Variants in SYNDIG1L observed in about 807,000 individuals in gnomAD.
The protein encoded by SYNDIG1L is synapse differentiation-inducing gene protein 1-like.
In SYNDIG1L, 13 loss-of-function variants were observed where a neutral mutation model predicts 20.1. That is an observed-to-expected ratio of 0.65 (90% CI 0.42 to 1.03). The LOEUF is 1.03. Among genes scored for constraint, SYNDIG1L ranks in the 50% least tolerant of loss-of-function variants. The pLI, the probability that SYNDIG1L is intolerant of heterozygous loss-of-function variation, is 0.00. For missense variants in SYNDIG1L, 294 were observed against 305.1 expected (o/e 0.96, Z 0.27); for synonymous variants, 128 against 129.3 (o/e 0.99, Z 0.07).
upstream of SYNDIG1L, among the ~76,000 whole-genome samples, chr14:74,428,999 G>T (rs893632970): frequency 6.6e-6 from 1 of 152,164 alleles, no homozygotes; most frequent in South Asian, 2.1e-4. Context: ...ATGCTGCTTA[G>T]CACCATAGCC....
At chr14:74,474,928 A>G in the SYNDIG1L span, 1 of 152,334 alleles carries the variant, frequency 6.6e-6, no homozygotes, top group East Asian at 1.9e-4. Flanking sequence ...AGGTCTAGGC[A>G]TTTATTGAAA....
chr14:74,479,972 T>C, the SYNDIG1L span: 20 of 1,345,852 alleles, frequency 1.5e-5, no homozygotes, highest in Admixed American at 4.6e-4. Context: ...TTTTTATTTA[T>C]TCAAGAGTAA....
the SYNDIG1L span, among the ~76,000 whole-genome samples, chr14:74,460,630 A>G: frequency 6.6e-6 from 1 of 151,946 alleles, no homozygotes; most frequent in African/African-American, 2.4e-5. Flanking sequence ...ATCCTGGGCC[A>G]GCCTGGGCCC....
upstream of SYNDIG1L, among the ~76,000 whole-genome samples, chr14:74,427,264 T>A (rs940589462): frequency 4.0e-5 from 6 of 151,858 alleles, no homozygotes; most frequent in Non-Finnish European, 7.4e-5. Context: ...TTTCTGAAGG[T>A]AAGTGTGGGT....
chr14:74,444,996 GA>G, the SYNDIG1L span, among the ~76,000 whole-genome samples: 1 of 152,300 alleles, frequency 6.6e-6, no homozygotes, highest in South Asian at 2.1e-4. Flanking sequence ...ATCTCACACT[GA>G]AATGTGATCC....
In SYNDIG1L at chr14:74,421,754, A is replaced by G. The variant is rs116725538; in HGVS notation, c.-58+4158T>C. Among the ~76,000 whole-genome samples the G allele has an allele frequency of 7.9e-3, 1,199 of 152,318 alleles. 20 individuals are homozygous for G. The highest frequency in any genetic ancestry group is 0.028 in the African/African-American group (1,153 of 41,572). Reference sequence around the variant, plus strand: ...CGAAGGACCTTTGGAGAGAGAGAAGAGGAGGGAAGAAGAGAGAACAGAAAA... The same window carrying G: ...CGAAGGACCTTTGGAGAGAGAGAAGGGGAGGGAAGAAGAGAGAACAGAAAA... On this transcript the variant is annotated intron_variant, in intron 1 of 3. Coordinates refer to ENST00000331628, the MANE Select transcript of SYNDIG1L (RefSeq NM_001105579.2).
At chr14:74,435,599 C>G in the SYNDIG1L span, among the ~76,000 whole-genome samples, 45 of 152,186 alleles carry the variant, frequency 3.0e-4, no homozygotes, top group Admixed American at 2.9e-3. Flanking sequence ...GACTACTCTT[C>G]TTTTTACCTC....
intron 1 of SYNDIG1L, among the ~76,000 whole-genome samples, chr14:74,423,304 G>A (rs2086238737): frequency 6.6e-6 from 1 of 152,208 alleles, no homozygotes. Context: ...GCTGCAGAAG[G>A]AAGGCTAGTG....
chr14:74,442,606 A>G, the SYNDIG1L span, among the ~76,000 whole-genome samples: 1 of 152,214 alleles, frequency 6.6e-6, no homozygotes, highest in East Asian at 1.9e-4. Flanking sequence ...CAGGAGGTTA[A>G]TATTATCAGA....
chr14:74,409,268 G>C (rs2086110681), intron 2 of SYNDIG1L, 60 bp downstream of exon 2: 2 of 1,206,266 alleles, frequency 1.7e-6, no homozygotes, highest in Non-Finnish European at 2.2e-6. Context: ...TTTTTTTGTA[G>C]AGTCGGGGTC....
At chr14:74,451,590 C>A in the SYNDIG1L span, among the ~76,000 whole-genome samples, 3 of 152,184 alleles carry the variant, frequency 2.0e-5, no homozygotes, top group African/African-American at 7.2e-5. Context: ...CAAAAGTAAA[C>A]CTTCTGCTCT....
At chr14:74,479,763 C>T in the SYNDIG1L span, 1 of 194,644 alleles carries the variant, frequency 5.1e-6, no homozygotes, top group Admixed American at 5.4e-5. Flanking sequence ...TCAAATAAAG[C>T]AAAACAAGGC....
chr14:74,410,614 G>C (rs567034103), intron 1 of SYNDIG1L, among the ~76,000 whole-genome samples: 15 of 152,238 alleles, frequency 9.9e-5, no homozygotes, highest in Admixed American at 7.8e-4. Flanking sequence ...TTCAGTAGTG[G>C]TGTAGATGGA....
chr14:74,437,906 C>T, the SYNDIG1L span, among the ~76,000 whole-genome samples: 8 of 152,148 alleles, frequency 5.3e-5, no homozygotes, highest in African/African-American at 9.7e-5. Flanking sequence ...GAGTCTTTAG[C>T]CACGTTCTTC....
the SYNDIG1L span, chr14:74,480,118 C>T: frequency 5.1e-6 from 8 of 1,560,326 alleles, no homozygotes; most frequent in Non-Finnish European, 6.9e-6. Context: ...GAACCAGCCA[C>T]CCGGAGCTCA....
chr14:74,409,063 T>TATTTATTTATTTA (rs1327628862), intron 2 of SYNDIG1L, among the ~76,000 whole-genome samples: 1 of 148,688 alleles, frequency 6.7e-6, no homozygotes, highest in African/African-American at 2.5e-5. Context: ...TTTATTTATT[T>TATTTATTTATTTA]ATTTATTTAT....
At chr14:74,432,385 A>G in the SYNDIG1L span, among the ~76,000 whole-genome samples, 1 of 152,164 alleles carries the variant, frequency 6.6e-6, no homozygotes. Context: ...ACACCCTGGT[A>G]TATAATCCTC....
upstream of SYNDIG1L, chr14:74,426,239 T>C (rs1270474272): frequency 6.6e-6 from 1 of 151,182 alleles, no homozygotes; most frequent in Non-Finnish European, 1.5e-5. Flanking sequence ...GTCCCCCTCC[T>C]TCCCGCCTCC....
the SYNDIG1L span, among the ~76,000 whole-genome samples, chr14:74,457,393 G>T: frequency 6.6e-6 from 1 of 151,980 alleles, no homozygotes. Context: ...CCTGCACTGA[G>T]GAGAAACAGC....
Sources: gnomAD v4.1 joint callset for allele counts (sites outside exome capture counted in the v4.1 genomes callset) on GRCh38, gnomAD v4.1.1 for gene constraint, MANE v1.5 for transcripts, NCBI Gene and HGNC (gene_info 2026-07-23, HGNC 2026-07-21) for gene names.